Variants in HS3ST5 observed in about 807,000 individuals in gnomAD.
HS3ST5 encodes the protein heparan sulfate glucosamine 3-O-sulfotransferase 5.
Under a neutral mutation model 25.4 loss-of-function variants are expected in HS3ST5, and 10 were observed. The ratio of observed to expected loss-of-function variants is 0.39; its 90% CI spans 0.24 to 0.67. HS3ST5 has a LOEUF of 0.67. Among genes scored for constraint, HS3ST5 ranks in the 30% least tolerant of loss-of-function variants. The pLI, the probability that HS3ST5 is intolerant of heterozygous loss-of-function variation, is 0.44. For synonymous variants in HS3ST5, 170 were observed against 162.4 expected (o/e 1.05, Z -0.36); for missense variants, 324 against 420.7 (o/e 0.77, Z 2.01).
At chr6:114,084,487 G>A in intron 3 of HS3ST5, 1 of 758,232 alleles carries the variant, frequency 1.3e-6, no homozygotes, top group Admixed American at 1.7e-5. Context: ...GTATTCACGG[G>A]AAATGGTGCC....
chr6:114,092,099 T>C (rs1479247455), intron 3 of HS3ST5, among the ~76,000 whole-genome samples: 1 of 152,244 alleles, frequency 6.6e-6, no homozygotes, highest in African/African-American at 2.4e-5. Context: ...AGAAATTATA[T>C]GCCACTGTCA....
chr6:114,330,885 C>T (rs1445201432), intron 1 of HS3ST5, among the ~76,000 whole-genome samples: 4 of 152,158 alleles, frequency 2.6e-5, no homozygotes. Context: ...AAACAGTAAA[C>T]CACTGGCACA....
intron 3 of HS3ST5, among the ~76,000 whole-genome samples, chr6:114,161,524 TATA>T (rs1778952190): frequency 4.9e-4 from 8 of 16,284 alleles, no homozygotes; most frequent in African/African-American, 2.5e-3. Flanking sequence ...TGAAGTTTTA[TATA>T]TATATATATA....
chr6:114,266,395 T>A (rs1392912390), intron 1 of HS3ST5, among the ~76,000 whole-genome samples: 1 of 152,228 alleles, frequency 6.6e-6, no homozygotes, highest in Non-Finnish European at 1.5e-5. Context: ...TATATAAAGT[T>A]AGTTTTGAGA....
intron 3 of HS3ST5, among the ~76,000 whole-genome samples, chr6:114,077,415 C>T (rs1164286821): frequency 6.6e-6 from 1 of 152,188 alleles, no homozygotes; most frequent in African/African-American, 2.4e-5. Context: ...AATTTCTTTT[C>T]ACTGCATTAA....
intron 1 of HS3ST5, among the ~76,000 whole-genome samples, chr6:114,323,193 A>C (rs1776037476): frequency 6.6e-6 from 1 of 152,146 alleles, no homozygotes; most frequent in Admixed American, 6.6e-5. Context: ...CATGCCCCAG[A>C]ATGAAGGGAG....
At chr6:114,106,423 A>G (rs1562199166) in intron 3 of HS3ST5, among the ~76,000 whole-genome samples, 1 of 152,102 alleles carries the variant, frequency 6.6e-6, no homozygotes, top group African/African-American at 2.4e-5. Context: ...ACCTACAAAA[A>G]AGAAATTCTG....
At chr6:114,061,839 T>C (rs972280035) in intron 4 of HS3ST5, among the ~76,000 whole-genome samples, 1 of 152,098 alleles carries the variant, frequency 6.6e-6, no homozygotes, top group African/African-American at 2.4e-5. Context: ...TCACAGCTAC[T>C]TGGGAGGCTG....
At chr6:114,258,267 A>C (rs1156460628) in intron 1 of HS3ST5, among the ~76,000 whole-genome samples, 2 of 152,146 alleles carry the variant, frequency 1.3e-5, no homozygotes, top group Non-Finnish European at 2.9e-5. Context: ...GTGCGTGACG[A>C]TTCCCTTCTT....
intron 3 of HS3ST5, among the ~76,000 whole-genome samples, chr6:114,164,453 TA>T (rs1051982823): frequency 1.3e-5 from 2 of 152,198 alleles, no homozygotes; most frequent in African/African-American, 4.8e-5. Flanking sequence ...TTTTTAGAAA[TA>T]CTTGACAGTT....
In HS3ST5 at chr6:114,224,687, CATATATATATAT is replaced by C. The variant is rs796114598; in HGVS notation, c.-145+3886_-145+3897del. Among the ~76,000 whole-genome samples, 449 of 147,176 alleles carry C rather than the reference CATATATATATAT, an allele frequency of 3.1e-3. 4 individuals carry two copies. Among genetic ancestry groups the C allele is most frequent in the African/African-American group, 0.011 (427 of 40,022 alleles). ...AACTTATTTTATACATATATATATA[CATATATATATAT>C]ACACACACACACACACACACACCGA... On this transcript the variant is annotated intron_variant, in intron 2 of 4. Transcript: ENST00000312719.
intron 3 of HS3ST5, among the ~76,000 whole-genome samples, chr6:114,160,064 G>A (rs1778867993): frequency 6.6e-6 from 1 of 152,014 alleles, no homozygotes; most frequent in South Asian, 2.1e-4. Context: ...AAAAACTGTA[G>A]GAATAAAAAT....
At chr6:114,319,749 G>A (rs992403107) in intron 1 of HS3ST5, among the ~76,000 whole-genome samples, 1 of 151,998 alleles carries the variant, frequency 6.6e-6, no homozygotes, top group Non-Finnish European at 1.5e-5. Flanking sequence ...CTTACAGAAG[G>A]ACATTTAAGT....
intron 3 of HS3ST5, among the ~76,000 whole-genome samples, chr6:114,156,736 C>T (rs914621283): frequency 6.6e-6 from 1 of 152,044 alleles, no homozygotes; most frequent in Admixed American, 6.6e-5. Flanking sequence ...CTTCTAGAAA[C>T]ATTTCATCTC....
intron 1 of HS3ST5, among the ~76,000 whole-genome samples, chr6:114,241,640 G>A (rs879419003): frequency 1.3e-5 from 2 of 152,212 alleles, no homozygotes; most frequent in Admixed American, 6.5e-5. Context: ...CTGCATCTTC[G>A]TTTCCAGACT....
intron 3 of HS3ST5, among the ~76,000 whole-genome samples, chr6:114,141,858 TTGTGTGTGTGTGTGTGTGTGTG>T (rs59862071): frequency 1.3e-4 from 19 of 141,372 alleles, no homozygotes; most frequent in African/African-American, 4.4e-4. Context: ...AGATGATAGT[TTGTGTGTGTGTGTGTGTGTGTG>T]TGTGTGTGTG....
At chr6:114,250,144 T>A (rs937300400) in intron 1 of HS3ST5, among the ~76,000 whole-genome samples, 3 of 152,162 alleles carry the variant, frequency 2.0e-5, no homozygotes, top group African/African-American at 7.2e-5. Flanking sequence ...AAATTTTTTA[T>A]AAACCAATTA....
chr6:114,060,474 T>C (rs938953741), intron 4 of HS3ST5, among the ~76,000 whole-genome samples: 7 of 152,208 alleles, frequency 4.6e-5, no homozygotes, highest in African/African-American at 9.7e-5. Flanking sequence ...ATTGTGACAC[T>C]GATTGGAATA....
At chr6:114,137,795 C>A (rs1777700922) in intron 3 of HS3ST5, among the ~76,000 whole-genome samples, 1 of 152,210 alleles carries the variant, frequency 6.6e-6, no homozygotes, top group African/African-American at 2.4e-5. Flanking sequence ...CTTCCCATTT[C>A]CTGCTTCTGA....
Sources: gnomAD v4.1 joint callset for allele counts (sites outside exome capture counted in the v4.1 genomes callset) on GRCh38, gnomAD v4.1.1 for gene constraint, MANE v1.5 for transcripts, NCBI Gene and HGNC (gene_info 2026-07-23, HGNC 2026-07-21) for gene names.